The following LRRN1 variants were observed in gnomAD, a reference collection of about 807,000 sequenced individuals.
The protein encoded by LRRN1 is leucine rich repeat neuronal 1.
LRRN1 carries 14 observed loss-of-function variants against 45.8 expected under a neutral mutation model. That is an observed-to-expected ratio of 0.31 (90% CI 0.20 to 0.48). The LOEUF (loss-of-function observed/expected upper bound fraction) is 0.48, where lower values mean the gene tolerates loss of function less well. LRRN1 is among the 20% of genes least tolerant of loss of function. LRRN1 has a pLI of 0.99. For missense variants in LRRN1, 789 were observed against 874.2 expected, an observed-to-expected ratio of 0.90 and a Z score of 1.23; for synonymous variants, 359 against 330.1, an observed-to-expected ratio of 1.09 and a Z score of -0.95.
At chr3:3,825,798 T>C (rs1693203224) in intron 1 of LRRN1, among the ~76,000 whole-genome samples, 1 of 152,240 alleles carries the variant, frequency 6.6e-6, no homozygotes. Context: ...AGTTTTCTTC[T>C]GAGCAGAGAG....
intron 1 of LRRN1, among the ~76,000 whole-genome samples, chr3:3,839,578 C>T (rs1693601984): frequency 6.6e-6 from 1 of 152,052 alleles, no homozygotes; most frequent in Non-Finnish European, 1.5e-5. Flanking sequence ...GTGTTATAGA[C>T]AGTATGACAA....
intron 1 of LRRN1, among the ~76,000 whole-genome samples, chr3:3,809,728 A>C (rs917287918): frequency 2.6e-5 from 4 of 152,204 alleles, no homozygotes; most frequent in African/African-American, 9.7e-5. Context: ...CTCAGTATCT[A>C]CATCTGCAAA....
At chr3:3,826,846 C>T (rs944955417) in intron 1 of LRRN1, among the ~76,000 whole-genome samples, 11 of 152,106 alleles carry the variant, frequency 7.2e-5, no homozygotes, top group Admixed American at 3.3e-4. Context: ...ATGTGCAAGG[C>T]CCTCTTTCCT....
chr3:3,840,702 G>C (rs919944939), intron 1 of LRRN1, among the ~76,000 whole-genome samples: 1 of 152,066 alleles, frequency 6.6e-6, no homozygotes, highest in Admixed American at 6.5e-5. Flanking sequence ...GAATGTAGGA[G>C]AAAAAAATGT....
chr3:3,846,499 G>T lies in LRRN1; in HGVS notation c.1858G>T (p.Ala620Ser), dbSNP rs1044760670. Residue 620 changes from alanine to serine, a missense_variant, in exon 2 of 2, where the codon GCA becomes TCA. Ala to Ser is a moderately conservative substitution (Grantham distance 99, BLOSUM62 1). Coordinates refer to ENST00000319331, the MANE Select transcript of LRRN1 (RefSeq NM_020873.7). The surrounding 1 kb of genome is among the most constrained non-coding windows in gnomAD (Gnocchi z 5.7). ...VNVTTKNAAF[A>S]VDISDQETST... ...TGTCACAACCAAAAATGCCGCCTTC[G>T]CAGTGGACATCTCTGATCAAGAAAC... 6.2e-7 allele frequency: 1 copy of T among 1,613,998 alleles called. No homozygotes were observed. The highest frequency in any genetic ancestry group is 8.5e-7 in the Non-Finnish European group (1 of 1,180,030).
In LRRN1 at chr3:3,846,150, T is replaced by C; in HGVS notation, c.1509T>C (p.Asn503=). The change falls in exon 2 of 2, where the codon AAT becomes AAC. Residue 503 remains asparagine (N), a synonymous_variant. Coordinates refer to ENST00000319331, the MANE Select transcript of LRRN1 (RefSeq NM_020873.7). The surrounding 1 kb of genome is among the most constrained non-coding windows in gnomAD (Gnocchi z 5.7). ...GAAGATACACATGTGTTGCCCAGAA[T>C]GTCCAAGGGGCAGACACTCGGGTGG... ...DSGRYTCVAQ[N]VQGADTRVAT... is the part of the protein sequence containing the mutation. The C allele has an allele frequency of 6.2e-7, 1 of 1,614,128 alleles. No individual in the cohort carries two copies. Among genetic ancestry groups the C allele is most frequent in the Non-Finnish European group, 8.5e-7 (1 of 1,180,014 alleles).
chr3:3,821,574 T>C (rs879647891), intron 1 of LRRN1, among the ~76,000 whole-genome samples: 5 of 152,162 alleles, frequency 3.3e-5, no homozygotes, highest in Admixed American at 3.3e-4. Context: ...ACTGAATGTA[T>C]TTTTAATTAA....
At chr3:3,822,341 G>A (rs1221685312) in intron 1 of LRRN1, among the ~76,000 whole-genome samples, 2 of 152,116 alleles carry the variant, frequency 1.3e-5, no homozygotes, top group African/African-American at 4.8e-5. Context: ...AAAAAATTAG[G>A]TGTCTGCAAG....
At chr3:3,825,594 T>C (rs758431989) in intron 1 of LRRN1, among the ~76,000 whole-genome samples, 67 of 152,272 alleles carry the variant, frequency 4.4e-4, no homozygotes, top group Non-Finnish European at 8.4e-4. Flanking sequence ...AAATTTAACA[T>C]GGTCAGATTA....
intron 1 of LRRN1, among the ~76,000 whole-genome samples, chr3:3,842,887 A>C (rs532423067): frequency 6.6e-6 from 1 of 152,188 alleles, no homozygotes; most frequent in Non-Finnish European, 1.5e-5. Context: ...ACTAACTACT[A>C]ATATTATCTT....
chr3:3,824,420 C>A (rs1200703400), intron 1 of LRRN1, among the ~76,000 whole-genome samples: 1 of 152,106 alleles, frequency 6.6e-6, no homozygotes, highest in African/African-American at 2.4e-5. Flanking sequence ...ATTTAACTTA[C>A]ACATTTTACA....
intron 1 of LRRN1, among the ~76,000 whole-genome samples, chr3:3,831,131 C>A (rs992583299): frequency 2.0e-5 from 3 of 152,214 alleles, no homozygotes; most frequent in African/African-American, 4.8e-5. Context: ...GGACCCCACT[C>A]AAAACTGGCA....
At chr3:3,830,590 A>G (rs984463813) in intron 1 of LRRN1, among the ~76,000 whole-genome samples, 1 of 152,206 alleles carries the variant, frequency 6.6e-6, no homozygotes, top group African/African-American at 2.4e-5. Flanking sequence ...TCAACTGATC[A>G]TAGGGAACTC....
intron 1 of LRRN1, among the ~76,000 whole-genome samples, chr3:3,814,622 G>A (rs879740935): frequency 2.0e-5 from 3 of 152,124 alleles, no homozygotes; most frequent in Admixed American, 6.6e-5. Context: ...AAGTAATCAG[G>A]GCTCTGCCCT....
chr3:3,843,012 A>G (rs994488784), intron 1 of LRRN1, among the ~76,000 whole-genome samples: 3 of 152,228 alleles, frequency 2.0e-5, no homozygotes, highest in African/African-American at 7.2e-5. Flanking sequence ...TCATCTGACA[A>G]CCACTATTTA....
intron 1 of LRRN1, among the ~76,000 whole-genome samples, chr3:3,833,083 A>G (rs1290159360): frequency 6.6e-6 from 1 of 152,200 alleles, no homozygotes; most frequent in African/African-American, 2.4e-5. Context: ...GTTAGATCTG[A>G]CATACAGAGA....
At chr3:3,811,156 A>C (rs957878881) in intron 1 of LRRN1, among the ~76,000 whole-genome samples, 1 of 152,112 alleles carries the variant, frequency 6.6e-6, no homozygotes, top group Non-Finnish European at 1.5e-5. Flanking sequence ...TATTATCCCC[A>C]TTTTAAAGAT....
rs141810656 is a variant in LRRN1 at position 3,814,333 on chromosome 3, G to A, written c.-279+14414G>A. Among the ~76,000 whole-genome samples the A allele has an allele frequency of 4.7e-3, 709 of 151,300 alleles. 6 individuals are homozygous for A. Among genetic ancestry groups the A allele is most frequent in the African/African-American group, 0.017 (684 of 41,136 alleles). The stretch of plus-strand genomic sequence containing the variant: ...GCTGGATATTCTTGATGTCCCTCCA[G>A]TTCCACCCAGTACCCCTTTCCACTT... On this transcript the variant is annotated intron_variant, in intron 1 of 1. Coordinates refer to ENST00000319331, the MANE Select transcript of LRRN1 (RefSeq NM_020873.7).
At chr3:3,800,344 A>AG (rs1199991698) in intron 1 of LRRN1, among the ~76,000 whole-genome samples, 1 of 152,034 alleles carries the variant, frequency 6.6e-6, no homozygotes, top group African/African-American at 2.4e-5. Context: ...CAGCGCGGAA[A>AG]GGGGGCCCAG....
Sources: gnomAD v4.1 joint callset for allele counts (sites outside exome capture counted in the v4.1 genomes callset) on GRCh38, gnomAD v4.1.1 for gene constraint, Gnocchi (gnomAD v3.1) non-coding constraint, MANE v1.5 for transcripts, NCBI Gene and HGNC (gene_info 2026-07-23, HGNC 2026-07-21) for gene names.